Variants in PTPN22 observed in about 807,000 individuals in gnomAD.
PTPN22 encodes the protein tyrosine-protein phosphatase non-receptor type 22.
Under a neutral mutation model 103.3 loss-of-function variants are expected in PTPN22, and 85 were observed. The ratio of observed to expected loss-of-function variants is 0.82; its 90% confidence interval spans 0.69 to 0.99. The LOEUF is 0.99. Ranked by LOEUF, PTPN22 falls within the 50% of genes least tolerant of loss-of-function variation. The pLI, the probability that PTPN22 is intolerant of heterozygous loss-of-function variation, is 0.00. For synonymous variants in PTPN22, 323 were observed against 310.2 expected, an observed-to-expected ratio of 1.04 and a Z score of -0.43; for missense variants, 865 against 936.9, an observed-to-expected ratio of 0.92 and a Z score of 1.00.
chr1:113,851,254 G>A (rs1664547754), intron 10 of PTPN22, among the ~76,000 whole-genome samples: 1 of 151,664 alleles, frequency 6.6e-6, no homozygotes, highest in South Asian at 2.1e-4. Flanking sequence ...GCAGGCTCAA[G>A]CAATTCTCCC....
chr1:113,866,925 T>C (rs986834386), intron 1 of PTPN22, among the ~76,000 whole-genome samples: 2 of 152,132 alleles, frequency 1.3e-5, no homozygotes, highest in African/African-American at 4.8e-5. Flanking sequence ...TTTTTTATTT[T>C]TAGTGGAGAC....
intron 19 of PTPN22, among the ~76,000 whole-genome samples, chr1:113,822,684 G>T (rs546572586): frequency 2.0e-4 from 31 of 152,170 alleles, no homozygotes; most frequent in African/African-American, 7.2e-4. Context: ...TTCTTGGGCC[G>T]GGCACAGTGG....
intron 11 of PTPN22, among the ~76,000 whole-genome samples, chr1:113,843,543 G>C (rs1488592670): frequency 6.6e-6 from 1 of 152,182 alleles, no homozygotes; most frequent in Non-Finnish European, 1.5e-5. Flanking sequence ...GGGGAGAATA[G>C]GGAGTTATTG....
rs565102346 is a variant in PTPN22, at chr1:113,865,456, T to C, written c.88-5996A>G. Among the ~76,000 whole-genome samples, 532 of 152,302 alleles carry C rather than the reference T, an allele frequency of 3.5e-3. 6 individuals carry two copies. The highest frequency in any genetic ancestry group is 0.012 in the African/African-American group (499 of 41,564). On this transcript the variant is annotated intron_variant, in intron 1 of 20. Transcript: ENST00000359785. ...CATAATATTTTCCTCTTGGGGTAGT[T>C]GTAACGATTAAACGAGATCACGTAC...
intron 8 of PTPN22, 82 bp from the exon 9 acceptor site, chr1:113,854,619 A>C (rs1664887885): frequency 7.4e-7 from 1 of 1,347,652 alleles, no homozygotes; most frequent in Admixed American, 1.8e-5. Flanking sequence ...AAATTTCACC[A>C]GCAGATTTGA....
chr1:113,850,129 A>C (rs1664431705), intron 10 of PTPN22, among the ~76,000 whole-genome samples: 1 of 151,856 alleles, frequency 6.6e-6, no homozygotes. Flanking sequence ...CCCGGCAGGC[A>C]GAAGTTGCAG....
At chr1:113,845,345 G>A (rs1308891440) in intron 11 of PTPN22, among the ~76,000 whole-genome samples, 2 of 151,734 alleles carry the variant, frequency 1.3e-5, no homozygotes. Flanking sequence ...TGGGATTACA[G>A]GTGCCCACCA....
intron 5 of PTPN22, 81 bp downstream of exon 5, chr1:113,857,657 G>T: frequency 1.5e-6 from 2 of 1,315,234 alleles, no homozygotes; most frequent in East Asian, 2.4e-5. Context: ...GGTACACTCA[G>T]GTAAGTTCTG....
At chr1:113,858,394 C>T (rs1665261831) in intron 4 of PTPN22, 84 bp downstream of exon 4, 2 of 914,222 alleles carry the variant, frequency 2.2e-6, no homozygotes, top group Non-Finnish European at 3.3e-6. Context: ...ATGCCTGAAC[C>T]CTGAAGTTCC....
exon 19 of PTPN22, chr1:113,825,171 C>A: frequency 6.7e-7 from 1 of 1,493,662 alleles, no homozygotes; most frequent in Non-Finnish European, 9.2e-7. Context: ...AATTTTCAAA[C>A]TCTACAAAAG....
chr1:113,833,520 C>T (rs1393579210), intron 15 of PTPN22, among the ~76,000 whole-genome samples: 1 of 152,118 alleles, frequency 6.6e-6, no homozygotes, highest in Non-Finnish European at 1.5e-5. Context: ...TTATTAATGA[C>T]AATAATAATT....
In PTPN22 at chr1:113,831,665, C is replaced by T. The variant is rs1662560864; in HGVS notation, c.2053+1446G>A. On this transcript the variant is annotated intron_variant, in intron 16 of 20. Transcript: ENST00000359785. ...TGATCCCTGCTGCTGGAATTCCCTCCTTTTTTCTCTCTGTCTATACAAATT... is the reference window on the plus strand; with the variant it reads ...TGATCCCTGCTGCTGGAATTCCCTCTTTTTTTCTCTCTGTCTATACAAATT... Among the ~76,000 whole-genome samples, 2 of 152,104 alleles carry T rather than the reference C, an allele frequency of 1.3e-5. 1 individual carries two copies. The highest frequency in any genetic ancestry group is 4.1e-4 in the South Asian group (2 of 4,830).
intron 17 of PTPN22, 70 bp downstream of exon 17, chr1:113,829,879 C>A: frequency 7.1e-7 from 1 of 1,399,450 alleles, no homozygotes; most frequent in Non-Finnish European, 1.0e-6. Context: ...CCATTTAGGT[C>A]CTACTTTATT....
chr1:113,859,862 A>T (rs768969701), intron 1 of PTPN22, among the ~76,000 whole-genome samples: 42 of 152,164 alleles, frequency 2.8e-4, no homozygotes, highest in South Asian at 6.2e-4. Flanking sequence ...TTTTTACTTC[A>T]GATCGCTTTT....
At chr1:113,867,575 T>A (rs776141935) in intron 1 of PTPN22, among the ~76,000 whole-genome samples, 6 of 152,230 alleles carry the variant, frequency 3.9e-5, no homozygotes, top group Non-Finnish European at 8.8e-5. Flanking sequence ...AGTTGTTTAA[T>A]GTCTGCCTCT....
intron 1 of PTPN22, 104 bp from the exon 2 acceptor site, chr1:113,859,564 C>T: frequency 1.1e-6 from 1 of 881,522 alleles, no homozygotes; most frequent in South Asian, 1.5e-5. Context: ...CTACCTCAAC[C>T]CTTTTATTAT....
At chr1:113,840,712 C>T (rs964191403) in intron 11 of PTPN22, among the ~76,000 whole-genome samples, 1 of 152,150 alleles carries the variant, frequency 6.6e-6, no homozygotes, top group Non-Finnish European at 1.5e-5. Flanking sequence ...GAATGACACA[C>T]TACCTGATTT....
At position 113,853,169 on chromosome 1, in the gene PTPN22, C is replaced by G. The variant is rs180914933; in HGVS notation, c.751-1065G>C. Reference sequence around the variant, plus strand: ...GTCAGGCTGGTCTTGAACTCCCGACCTCAGGTGATCTGCCCACCTCAGCCT... The same window carrying G: ...GTCAGGCTGGTCTTGAACTCCCGACGTCAGGTGATCTGCCCACCTCAGCCT... On this transcript the variant is annotated intron_variant, in intron 9 of 20. Coordinates refer to ENST00000359785, the Ensembl canonical transcript of PTPN22. Among the ~76,000 whole-genome samples the G allele has an allele frequency of 1.8e-4, 27 of 150,832 alleles. No homozygotes were observed. The East Asian group carries it at 5.2e-3, about 29-fold the overall frequency.
chr1:113,816,015 C>G (rs1387109947), intron 20 of PTPN22, among the ~76,000 whole-genome samples: 1 of 152,094 alleles, frequency 6.6e-6, no homozygotes, highest in East Asian at 1.9e-4. Context: ...TTACACTTAG[C>G]AACTTTAGGG....
Sources: gnomAD v4.1 joint callset for allele counts (sites outside exome capture counted in the v4.1 genomes callset) on GRCh38, gnomAD v4.1.1 for gene constraint, MANE v1.5 for transcripts, NCBI Gene and HGNC (gene_info 2026-07-23, HGNC 2026-07-21) for gene names.